The following ANKS1B variants were observed in gnomAD, a reference collection of about 807,000 sequenced individuals.
ANKS1B encodes the protein ankyrin repeat and sterile alpha motif domain-containing protein 1B.
ANKS1B carries 36 observed loss-of-function variants against 148.3 expected under a neutral mutation model. The ratio of observed to expected loss-of-function variants is 0.24; its 90% CI spans 0.19 to 0.32. The LOEUF (loss-of-function observed/expected upper bound fraction) is 0.32. ANKS1B is among the 10% of genes least tolerant of loss of function. The pLI is 1.00. For missense variants in ANKS1B, 1,157 were observed against 1,542.6 expected, an observed-to-expected ratio of 0.75 and a Z score of 4.19; for synonymous variants, 542 against 560.8, an observed-to-expected ratio of 0.97 and a Z score of 0.47.
intron 1 of ANKS1B, among the ~76,000 whole-genome samples, chr12:99,982,623 C>A (rs1025783846): frequency 6.6e-6 from 1 of 152,184 alleles, no homozygotes; most frequent in African/African-American, 2.4e-5. Context: ...ATTGCTTTCA[C>A]ATAAACTACA....
intron 10 of ANKS1B, among the ~76,000 whole-genome samples, chr12:99,473,219 C>G (rs1451638770): frequency 1.3e-5 from 2 of 151,940 alleles, no homozygotes; most frequent in African/African-American, 2.4e-5. Context: ...ACATTAATAT[C>G]ATATGACAAT....
intron 9 of ANKS1B, among the ~76,000 whole-genome samples, chr12:99,580,866 T>G (rs771728354): frequency 1.2e-4 from 18 of 152,314 alleles, no homozygotes; most frequent in Non-Finnish European, 2.1e-4. Context: ...CACAAATATG[T>G]ACAATCATTA....
intron 4 of ANKS1B, among the ~76,000 whole-genome samples, chr12:99,792,389 T>C (rs1197086360): frequency 6.6e-6 from 1 of 151,802 alleles, no homozygotes; most frequent in Non-Finnish European, 1.5e-5. Flanking sequence ...AAACCCATTC[T>C]ACAAGGCCAG....
At chr12:99,189,098 T>C (rs2080287154) in intron 14 of ANKS1B, among the ~76,000 whole-genome samples, 1 of 152,014 alleles carries the variant, frequency 6.6e-6, no homozygotes, top group Admixed American at 6.5e-5. Context: ...CTAGAAGAAA[T>C]GGATAAATTG....
intron 12 of ANKS1B, among the ~76,000 whole-genome samples, chr12:99,288,477 A>G (rs1446806076): frequency 6.6e-6 from 1 of 152,180 alleles, no homozygotes; most frequent in Non-Finnish European, 1.5e-5. Context: ...CTGAACATAC[A>G]AAACTCACTG....
intron 12 of ANKS1B, among the ~76,000 whole-genome samples, chr12:99,263,559 T>C (rs1046534167): frequency 6.6e-6 from 1 of 152,162 alleles, no homozygotes; most frequent in Non-Finnish European, 1.5e-5. Flanking sequence ...TTCAAAGAGA[T>C]AGGTTGTTTT....
At position 98,745,276 on chromosome 12, in the gene ANKS1B, G is replaced by A. The variant is rs1198843135; in HGVS notation, c.*463C>T. 3 of 985,026 alleles carry A rather than the reference G, an allele frequency of 3.0e-6. No individual in the cohort carries two copies. The African/African-American group carries it at 5.3e-5, about 17-fold the overall frequency. 61.0% of individuals were successfully genotyped at this position (985,026 alleles called of 1,614,324 possible). A position where few individuals can be genotyped will look rare whatever the true frequency, so the allele number is the denominator to read the frequency against. On this transcript the variant is annotated 3_prime_UTR_variant, in exon 27 of 27. Coordinates refer to ENST00000683438, the MANE Select transcript of ANKS1B (RefSeq NM_001352186.2). ...TACTCAATGATAGAATGATTTTACA[G>A]ATGCTTTGGAGGTGGGAGGGGTAGT...
rs745991921 is a variant in ANKS1B, at chr12:99,655,206, G to A, written c.1133C>T (p.Thr378Ile). Residue 378 changes from threonine (T) to isoleucine (I), a missense_variant, in exon 9 of 27, where the codon ACC (threonine) becomes ATC (isoleucine). By Grantham distance (89) the Thr-to-Ile change is moderately conservative. Around this residue, in one of 6 missense-constraint regions of ANKS1B, gnomAD observed 661 missense variants for 642.1 expected, o/e 1.03. Coordinates refer to ENST00000683438, the MANE Select transcript of ANKS1B (RefSeq NM_001352186.2). ...TGGTGACAAATTGATTGTAGATGAG[G>A]TTCTCTGAAATTAAATTTATATCAT... The part of the protein sequence containing the change: ...LGKNGSQSVR[T>I]SSTINLSPGE... The A allele has an allele frequency of 6.2e-7, 1 of 1,604,532 alleles. No individual in the cohort carries two copies. The highest frequency in any genetic ancestry group is 1.1e-5 in the South Asian group (1 of 89,668).
intron 17 of ANKS1B, among the ~76,000 whole-genome samples, chr12:98,921,211 A>T: frequency 6.6e-6 from 1 of 152,014 alleles, no homozygotes; most frequent in Non-Finnish European, 1.5e-5. Context: ...CTCAGAAAAC[A>T]TTTAGGGAGC....
At chr12:99,684,876 G>A (rs1424624355) in intron 8 of ANKS1B, among the ~76,000 whole-genome samples, 1 of 152,120 alleles carries the variant, frequency 6.6e-6, no homozygotes, top group East Asian at 1.9e-4. Flanking sequence ...CAAGCCACAT[G>A]TAGAAGAATG....
intron 1 of ANKS1B, among the ~76,000 whole-genome samples, chr12:99,977,309 A>G (rs1484094536): frequency 6.6e-6 from 1 of 151,942 alleles, no homozygotes; most frequent in Non-Finnish European, 1.5e-5. Context: ...ACACCTGGCC[A>G]TTTTGTTTTG....
chr12:99,064,823 G>C (rs904893100), intron 16 of ANKS1B, among the ~76,000 whole-genome samples: 1 of 152,128 alleles, frequency 6.6e-6, no homozygotes, highest in African/African-American at 2.4e-5. Flanking sequence ...GAATGGTTTT[G>C]TTGTACCTCT....
At chr12:99,792,949 A>G (rs2065842173) in intron 4 of ANKS1B, among the ~76,000 whole-genome samples, 1 of 152,060 alleles carries the variant, frequency 6.6e-6, no homozygotes, top group African/African-American at 2.4e-5. Context: ...GGAAAAACCT[A>G]AAGACTCCAC....
At chr12:98,885,869 A>G (rs1168478062) in intron 17 of ANKS1B, among the ~76,000 whole-genome samples, 2 of 152,196 alleles carry the variant, frequency 1.3e-5, no homozygotes, top group Non-Finnish European at 2.9e-5. Context: ...TCAAAGAGGA[A>G]GCAAACTGGT....
chr12:99,199,120 G>A (rs996632378), intron 14 of ANKS1B, among the ~76,000 whole-genome samples: 4 of 152,116 alleles, frequency 2.6e-5, no homozygotes, highest in Admixed American at 6.5e-5. Flanking sequence ...TCAGATGACT[G>A]CATCCCTGGC....
intron 9 of ANKS1B, chr12:99,648,586 C>A: frequency 2.5e-6 from 4 of 1,614,210 alleles, no homozygotes; most frequent in Non-Finnish European, 3.4e-6. Flanking sequence ...AAAAAAACAG[C>A]TCCACCTGAA....
At position 99,592,066 on chromosome 12, in the gene ANKS1B, CTG is replaced by C. The variant is rs1425563086; in HGVS notation, c.1272+62999_1272+63000del. Among the ~76,000 whole-genome samples the C allele has an allele frequency of 2.6e-5, 4 of 152,136 alleles. 1 individual carries two copies. In the South Asian group the frequency reaches 6.2e-4, roughly 24 times the overall value. On this transcript the variant is annotated intron_variant, in intron 9 of 26. Transcript: ENST00000683438. ...ATTGGTTCACATTTCCAAAGAAACT[CTG>C]TGAATAAGTACAGCATGCTATTATA...
At chr12:99,331,293 T>C (rs913125120) in intron 12 of ANKS1B, among the ~76,000 whole-genome samples, 1 of 151,912 alleles carries the variant, frequency 6.6e-6, no homozygotes, top group Non-Finnish European at 1.5e-5. Context: ...GGGCTAGATA[T>C]TACTGAAAAA....
In ANKS1B at chr12:99,666,857, G is replaced by GGTGTGTGTGT. The variant is rs3083633; in HGVS notation, c.1129-11657_1129-11648dup. Among the ~76,000 whole-genome samples the GGTGTGTGTGT allele has an allele frequency of 2.3e-3, 303 of 132,624 alleles. 1 individual carries two copies. The highest frequency in any genetic ancestry group is 7.4e-3 in the East Asian group (36 of 4,878). 87.0% of individuals were successfully genotyped at this position (132,624 alleles called of 152,430 possible). On this transcript the variant is annotated intron_variant, in intron 8 of 26. Transcript: ENST00000683438. ...CCATCACGTCATATAGTTACTATGG[G>GGTGTGTGTGT]GTGTGTGTGTGTGTGTGTGTGTGTG... is the stretch of plus-strand genomic sequence containing the variant.
Sources: allele counts gnomAD v4.1 joint callset (sites outside exome capture counted in the v4.1 genomes callset), GRCh38; gene constraint gnomAD v4.1.1; regional missense constraint gnomAD v4.1.1; transcripts MANE v1.5; gene names NCBI Gene and HGNC (gene_info 2026-07-23, HGNC 2026-07-21).